The following SEPTIN9 variants were observed in gnomAD, a reference collection of about 807,000 sequenced individuals.
SEPTIN9 encodes septin 9, also known as septin-9.
A neutral mutation model predicts 56.6 loss-of-function variants in SEPTIN9; 13 were observed. The observed-to-expected ratio is 0.23, with a 90% CI of 0.15 to 0.37. SEPTIN9 has a LOEUF of 0.37. SEPTIN9 is among the 10% of genes least tolerant of loss of function. The pLI is 1.00. For synonymous variants in SEPTIN9, 332 were observed against 334.1 expected, an observed-to-expected ratio of 0.99 and a Z score of 0.07; for missense variants, 650 against 823.1, an observed-to-expected ratio of 0.79 and a Z score of 2.57.
In SEPTIN9 at chr17:77,476,965, G is replaced by C. The variant is rs762808102; in HGVS notation, c.722-5179G>C. Reference sequence around the variant, plus strand: ...ACATTCTGGGATACATGTGCAGAACGTGCAGGTTTGTTACATAGGAATACA... The same window carrying C: ...ACATTCTGGGATACATGTGCAGAACCTGCAGGTTTGTTACATAGGAATACA... On this transcript the variant is annotated intron_variant, in intron 3 of 11. Coordinates refer to ENST00000427177, the MANE Select transcript of SEPTIN9 (RefSeq NM_001113491.2). The surrounding 1 kb of genome is among the most constrained non-coding windows in gnomAD (Gnocchi z 6.0). 2.6e-5 allele frequency among the ~76,000 whole-genome samples: 4 copies of C among 152,128 alleles called. No individual in the cohort carries two copies. The highest frequency in any genetic ancestry group is 1.9e-4 in the East Asian group (1 of 5,196).
At chr17:77,480,734 G>A (rs917924309) in intron 3 of SEPTIN9, among the ~76,000 whole-genome samples, 44 of 152,246 alleles carry the variant, frequency 2.9e-4, no homozygotes, top group African/African-American at 9.9e-4. Context: ...CTCCCCTCCC[G>A]GAGGACTGGC....
chr17:77,307,296 C>A, intron 2 of SEPTIN9, 99 bp downstream of exon 2: 1 of 1,117,376 alleles, frequency 8.9e-7, no homozygotes, highest in Non-Finnish European at 1.4e-6. Flanking sequence ...CACCTGGCTT[C>A]CCTGGATGAG....
intron 3 of SEPTIN9, among the ~76,000 whole-genome samples, chr17:77,418,293 C>T (rs2036574064): frequency 6.6e-6 from 1 of 152,216 alleles, no homozygotes; most frequent in Non-Finnish European, 1.5e-5. Context: ...AAAGGCAGCC[C>T]AGCCCCACGG....
chr17:77,448,367 T>C (rs548213886), intron 3 of SEPTIN9, among the ~76,000 whole-genome samples: 7 of 152,212 alleles, frequency 4.6e-5, no homozygotes, highest in East Asian at 1.9e-4. Flanking sequence ...TCCCAGCTAC[T>C]TGGGAGGCTG....
intron 2 of SEPTIN9, among the ~76,000 whole-genome samples, chr17:77,395,866 A>G (rs2035695380): frequency 6.6e-6 from 1 of 152,216 alleles, no homozygotes; most frequent in Non-Finnish European, 1.5e-5. Context: ...GGAAACCCGG[A>G]CTGTTTCCAG....
chr17:77,427,348 A>G (rs2036951825), intron 3 of SEPTIN9: 1 of 152,260 alleles, frequency 6.6e-6, no homozygotes, highest in Non-Finnish European at 1.5e-5. Flanking sequence ...TGCAGGGGAA[A>G]GGACAAAGCT....
intron 4 of SEPTIN9, among the ~76,000 whole-genome samples, chr17:77,484,895 GTGGTGGTGA>G (rs1243093665): frequency 3.1e-5 from 3 of 95,280 alleles, no homozygotes; most frequent in African/African-American, 1.2e-4. Context: ...TGTGATGGTG[GTGGTGGTGA>G]TGGTGATGAT....
intron 8 of SEPTIN9, among the ~76,000 whole-genome samples, chr17:77,491,999 G>A (rs1464022515): frequency 2.0e-5 from 3 of 151,970 alleles, no homozygotes; most frequent in Admixed American, 6.5e-5. Flanking sequence ...AGGTGCCTGG[G>A]CTGCGGCACC....
chr17:77,463,541 A>T (rs1487542431), intron 3 of SEPTIN9, among the ~76,000 whole-genome samples: 3 of 148,826 alleles, frequency 2.0e-5, no homozygotes, highest in African/African-American at 7.5e-5. Flanking sequence ...TATTTCCTTT[A>T]AAAAAAAATG....
intron 3 of SEPTIN9, among the ~76,000 whole-genome samples, chr17:77,448,883 G>C (rs1385743479): frequency 6.6e-6 from 1 of 151,672 alleles, no homozygotes; most frequent in African/African-American, 2.4e-5. Context: ...TCCCAGGTTT[G>C]AGCGATTCTC....
chr17:77,401,305 T>C (rs4789493), intron 2 of SEPTIN9, among the ~76,000 whole-genome samples: 116,074 of 152,112 alleles, frequency 0.76, 44,983 homozygotes, highest in Middle Eastern at 0.82. Context: ...GTTTTGTTCC[T>C]GCTGCGGTTC....
At chr17:77,354,402 C>T (rs1446846449) in intron 2 of SEPTIN9, among the ~76,000 whole-genome samples, 1 of 152,154 alleles carries the variant, frequency 6.6e-6, no homozygotes, top group Non-Finnish European at 1.5e-5. Flanking sequence ...CTGGGTCCCA[C>T]TTTGGTTGTG....
chr17:77,395,075 T>G (rs1040812173), intron 2 of SEPTIN9, among the ~76,000 whole-genome samples: 13 of 151,818 alleles, frequency 8.6e-5, no homozygotes, highest in Admixed American at 1.3e-4. Context: ...TGTGTGTGTT[T>G]TTTTTTTTTT....
At chr17:77,394,341 G>C (rs1056871668) in intron 2 of SEPTIN9, among the ~76,000 whole-genome samples, 1 of 152,196 alleles carries the variant, frequency 6.6e-6, no homozygotes, top group Admixed American at 6.5e-5. Flanking sequence ...TTTTCCCGTG[G>C]CTTTTTCCTG....
chr17:77,373,280 G>A (rs923152125), intron 2 of SEPTIN9: 1 of 1,154,066 alleles, frequency 8.7e-7, no homozygotes. Context: ...CCCGGGAGGC[G>A]GGGGCGGGGC....
At chr17:77,447,764 A>G (rs951539938) in intron 3 of SEPTIN9, among the ~76,000 whole-genome samples, 2 of 152,196 alleles carry the variant, frequency 1.3e-5, no homozygotes, top group Non-Finnish European at 2.9e-5. Flanking sequence ...GGCTGGGACT[A>G]CAGGCACACA....
chr17:77,492,776 G>GT lies in SEPTIN9; in HGVS notation c.1476+62dup. On this transcript the variant is annotated intron_variant, in intron 9 of 11. Transcript: ENST00000427177. The surrounding 1 kb of genome is among the most constrained non-coding windows in gnomAD (Gnocchi z 5.4). ...ACCCCCAGTTCCTGCTGAAGGGTGG[G>GT]TTGGGGGTTTGGAGGACCTTAAGCC... The GT allele has an allele frequency of 6.7e-7, 1 of 1,503,572 alleles. No homozygotes were observed. The highest frequency in any genetic ancestry group is 1.4e-5 in the African/African-American group (1 of 72,874). The allele number at this position is 1,503,572 out of a possible 1,614,324, so 93.1% of individuals were successfully genotyped here. A position where few individuals can be genotyped will look rare whatever the true frequency, so the allele number is the denominator to read the frequency against.
intron 3 of SEPTIN9, among the ~76,000 whole-genome samples, chr17:77,415,204 G>A (rs2144177059): frequency 6.6e-6 from 1 of 152,350 alleles, no homozygotes; most frequent in East Asian, 1.9e-4. Context: ...GCCAGGTGGA[G>A]GCGGCTGGAG....
intron 3 of SEPTIN9, among the ~76,000 whole-genome samples, chr17:77,472,119 G>A (rs903364840): frequency 2.0e-5 from 3 of 152,246 alleles, no homozygotes; most frequent in East Asian, 1.9e-4. Flanking sequence ...TCAATAGGCC[G>A]CGGAGCCTGG....
Sources: allele counts gnomAD v4.1 joint callset (sites outside exome capture counted in the v4.1 genomes callset), GRCh38; gene constraint gnomAD v4.1.1; non-coding constraint Gnocchi (gnomAD v3.1); transcripts MANE v1.5; gene names NCBI Gene and HGNC (gene_info 2026-07-23, HGNC 2026-07-21).